CSMD1: variants seen among roughly 807,000 people sequenced by gnomAD.
CSMD1 encodes CUB and Sushi multiple domains 1.
In CSMD1, 213 loss-of-function variants were observed where a neutral mutation model predicts 417.5. That is an observed-to-expected ratio of 0.51 (90% confidence interval 0.46 to 0.57). CSMD1 has a LOEUF of 0.57. Among genes scored for constraint, CSMD1 ranks in the 20% least tolerant of loss-of-function variants. The pLI is 0.00. For synonymous variants in CSMD1, 2,862 were observed against 1,736.8 expected, an observed-to-expected ratio of 1.65 and a Z score of -16.11; for missense variants, 6,923 against 4,529.7, an observed-to-expected ratio of 1.53 and a Z score of -15.17.
intron 1 of CSMD1, among the ~76,000 whole-genome samples, chr8:4,913,916 T>C (rs1805869073): frequency 6.6e-6 from 1 of 152,220 alleles, no homozygotes. Flanking sequence ...ATTAATGCGA[T>C]TACCAAAGGA....
chr8:3,023,669 G>A (rs753863928), intron 51 of CSMD1, among the ~76,000 whole-genome samples: 2 of 152,100 alleles, frequency 1.3e-5, no homozygotes, highest in Non-Finnish European at 2.9e-5. Context: ...AAATTTCTCA[G>A]CGGATTCCAC....
intron 1 of CSMD1, among the ~76,000 whole-genome samples, chr8:4,814,768 T>A (rs1799112178): frequency 6.6e-6 from 1 of 152,122 alleles, no homozygotes; most frequent in South Asian, 2.1e-4. Context: ...GATAAGGAAA[T>A]GTTCTAAAAT....
In CSMD1 at chr8:3,096,937, A is replaced by T. The variant is rs747204242; in HGVS notation, c.7050T>A (p.Ser2350Arg). Residue 2350 changes from serine to arginine, a missense_variant, in exon 47 of 70, where the codon AGT (serine) becomes AGA (arginine). Ser to Arg is a moderately radical substitution (Grantham distance 110). Transcript: ENST00000635120. ...NYFNSQTCSW[S>R]IKVEPNYNIT... The stretch of plus-strand genomic sequence containing the variant: ...TGTTGTAGTTTGGTTCCACTTTAAT[A>T]CTCCAAGAGCAAGTCTGGGAGTTAA... The T allele has an allele frequency of 3.9e-5, 61 of 1,555,842 alleles. No homozygotes were observed. The highest frequency in any genetic ancestry group is 5.1e-5 in the Non-Finnish European group (59 of 1,148,676).
intron 23 of CSMD1, among the ~76,000 whole-genome samples, chr8:3,333,828 G>C (rs1357791639): frequency 6.6e-6 from 1 of 152,138 alleles, no homozygotes; most frequent in Non-Finnish European, 1.5e-5. Context: ...GCTATTCTTT[G>C]AATACTATAA....
chr8:3,033,384 T>C (rs750932385), intron 50 of CSMD1, among the ~76,000 whole-genome samples: 1 of 152,048 alleles, frequency 6.6e-6, no homozygotes, highest in Admixed American at 6.6e-5. Context: ...GCACTACTGA[T>C]TGTTAGAAAG....
At chr8:3,494,616 T>C (rs144326012) in intron 10 of CSMD1, among the ~76,000 whole-genome samples, 2 of 151,230 alleles carry the variant, frequency 1.3e-5, no homozygotes, top group Non-Finnish European at 2.9e-5. Context: ...AGATGACAGA[T>C]AGTAGATAGA....
At chr8:4,297,621 G>C (rs1376675784) in intron 3 of CSMD1, among the ~76,000 whole-genome samples, 2 of 152,040 alleles carry the variant, frequency 1.3e-5, no homozygotes, top group African/African-American at 4.8e-5. Context: ...GCCTGAAATT[G>C]AACTTGACCT....
chr8:4,035,189 G>A (rs1216377080), intron 3 of CSMD1, among the ~76,000 whole-genome samples: 2 of 152,090 alleles, frequency 1.3e-5, no homozygotes, highest in Non-Finnish European at 2.9e-5. Context: ...TAGCCGTCAT[G>A]AGGTCGTAGT....
intron 1 of CSMD1, among the ~76,000 whole-genome samples, chr8:4,723,609 G>T (rs1358487745): frequency 6.6e-6 from 1 of 151,888 alleles, no homozygotes; most frequent in African/African-American, 2.4e-5. Context: ...CATTTAAAAA[G>T]CAAATAATAA....
intron 3 of CSMD1, among the ~76,000 whole-genome samples, chr8:4,359,373 C>T (rs966889102): frequency 1.3e-5 from 2 of 152,208 alleles, no homozygotes; most frequent in Non-Finnish European, 2.9e-5. Flanking sequence ...CAGAAATTAT[C>T]AATAGGGTTT....
chr8:3,015,803 A>AAGAGATGG (rs1226485191), intron 52 of CSMD1, among the ~76,000 whole-genome samples: 1 of 152,164 alleles, frequency 6.6e-6, no homozygotes, highest in Non-Finnish European at 1.5e-5. Flanking sequence ...ATAACAAGTT[A>AAGAGATGG]AGAGATGGAA....
At chr8:3,885,451 T>A (rs187181502) in intron 5 of CSMD1, among the ~76,000 whole-genome samples, 2 of 152,288 alleles carry the variant, frequency 1.3e-5, no homozygotes, top group African/African-American at 2.4e-5. Context: ...TGAAAAAAGC[T>A]GAAGTACAAA....
intron 2 of CSMD1, among the ~76,000 whole-genome samples, chr8:4,518,984 T>G (rs964517743): frequency 5.3e-5 from 8 of 152,108 alleles, no homozygotes; most frequent in Admixed American, 1.3e-4. Flanking sequence ...ACTCCCCACT[T>G]TCTCTTTTGC....
At chr8:4,101,542 A>G (rs1263449253) in intron 3 of CSMD1, among the ~76,000 whole-genome samples, 1 of 152,250 alleles carries the variant, frequency 6.6e-6, no homozygotes, top group Non-Finnish European at 1.5e-5. Context: ...TACCTAAAAA[A>G]TTATGGATGT....
chr8:4,339,847 G>C (rs573973064), intron 3 of CSMD1, among the ~76,000 whole-genome samples: 2 of 152,002 alleles, frequency 1.3e-5, no homozygotes, highest in Admixed American at 6.6e-5. Flanking sequence ...AACAAAGTAA[G>C]ACCTCATCTC....
At chr8:4,037,458 G>A (rs930421719) in intron 3 of CSMD1, among the ~76,000 whole-genome samples, 3 of 152,124 alleles carry the variant, frequency 2.0e-5, no homozygotes, top group Non-Finnish European at 4.4e-5. Flanking sequence ...CATTTCAATG[G>A]TTTGCTTTTT....
intron 46 of CSMD1, among the ~76,000 whole-genome samples, chr8:3,103,923 A>G (rs1815938262): frequency 6.6e-6 from 1 of 151,594 alleles, no homozygotes; most frequent in Non-Finnish European, 1.5e-5. Flanking sequence ...TTGTATTTTC[A>G]GTAGACACGG....
intron 10 of CSMD1, among the ~76,000 whole-genome samples, chr8:3,570,060 G>C (rs1433147507): frequency 2.0e-5 from 3 of 152,064 alleles, no homozygotes; most frequent in Non-Finnish European, 4.4e-5. Flanking sequence ...TAAAAGGAGA[G>C]AAGAGAATTG....
intron 49 of CSMD1, among the ~76,000 whole-genome samples, chr8:3,065,072 T>G (rs184090954): frequency 1.4e-4 from 21 of 152,056 alleles, no homozygotes; most frequent in Middle Eastern, 3.4e-3. Flanking sequence ...AACAAACAGA[T>G]GTACCTGGAC....
Sources: gnomAD v4.1 joint callset for allele counts (sites outside exome capture counted in the v4.1 genomes callset) on GRCh38, gnomAD v4.1.1 for gene constraint, MANE v1.5 for transcripts, NCBI Gene and HGNC (gene_info 2026-07-23, HGNC 2026-07-21) for gene names.